NUP37: variants seen among roughly 807,000 people sequenced by gnomAD.
The protein encoded by NUP37 is nucleoporin Nup37.
In NUP37, 33 loss-of-function variants were observed where a neutral mutation model predicts 45.4. That is an observed-to-expected ratio of 0.73 (90% confidence interval 0.55 to 0.97). NUP37 has a LOEUF of 0.97. Ranked by LOEUF, NUP37 falls within the 50% of genes least tolerant of loss-of-function variation. NUP37 has a pLI of 0.00. For synonymous variants in NUP37, 127 were observed against 130.7 expected (o/e 0.97, Z 0.19); for missense variants, 365 against 389.7 (o/e 0.94, Z 0.53).
At chr12:102,088,714 T>C (rs1463534237) in intron 5 of NUP37, among the ~76,000 whole-genome samples, 1 of 150,944 alleles carries the variant, frequency 6.6e-6, no homozygotes, top group East Asian at 1.9e-4. Context: ...TTTTTTTTTT[T>C]TTTTTTTTTA....
chr12:102,101,968 G>A (rs1244244029), intron 3 of NUP37, among the ~76,000 whole-genome samples: 3 of 151,972 alleles, frequency 2.0e-5, no homozygotes, highest in Non-Finnish European at 2.9e-5. Context: ...CAGATGATCC[G>A]CCCATCTTGG....
intron 2 of NUP37, among the ~76,000 whole-genome samples, chr12:102,116,596 A>T (rs1880469612): frequency 6.6e-6 from 1 of 152,244 alleles, no homozygotes; most frequent in Non-Finnish European, 1.5e-5. Flanking sequence ...CAACAAACTG[A>T]AACTTTCAAT....
intron 2 of NUP37, among the ~76,000 whole-genome samples, chr12:102,114,049 A>G (rs1207844743): frequency 1.3e-5 from 2 of 152,260 alleles, no homozygotes; most frequent in African/African-American, 4.8e-5. Flanking sequence ...AAAGAAAAAC[A>G]CTGTCAAATT....
intron 4 of NUP37, among the ~76,000 whole-genome samples, chr12:102,099,689 T>C (rs1182102337): frequency 6.6e-6 from 1 of 152,196 alleles, no homozygotes; most frequent in Non-Finnish European, 1.5e-5. Flanking sequence ...ATGTGACTGC[T>C]AGCAGTGAAG....
At chr12:102,105,849 G>A (rs191834740) in intron 3 of NUP37, among the ~76,000 whole-genome samples, 42 of 139,386 alleles carry the variant, frequency 3.0e-4, no homozygotes, top group East Asian at 6.6e-4. Context: ...GTGACAGAGC[G>A]GGACTCCCTC....
intron 5 of NUP37, among the ~76,000 whole-genome samples, chr12:102,092,204 C>T (rs1565832006): frequency 6.6e-6 from 1 of 152,116 alleles, no homozygotes; most frequent in South Asian, 2.1e-4. Context: ...ATTTCTACTA[C>T]CAAATGTTTT....
At chr12:102,083,450 G>A (rs1200312755) in intron 6 of NUP37, among the ~76,000 whole-genome samples, 1 of 152,216 alleles carries the variant, frequency 6.6e-6, no homozygotes, top group Non-Finnish European at 1.5e-5. Context: ...AGGGTTCAGA[G>A]CACACACTTA....
At chr12:102,077,202 G>A in intron 7 of NUP37, 120 bp downstream of exon 7, 1 of 1,032,660 alleles carries the variant, frequency 9.7e-7, no homozygotes, top group Non-Finnish European at 1.5e-6. Flanking sequence ...CCTTCTATAG[G>A]AAAGACTTGC....
chr12:102,110,498 AC>A (rs1241924928), intron 3 of NUP37, among the ~76,000 whole-genome samples: 1 of 148,136 alleles, frequency 6.8e-6, no homozygotes, highest in Non-Finnish European at 1.5e-5. Context: ...ATAGAGTGAG[AC>A]CATGTACCAA....
chr12:102,100,371 C>G (rs912181289), intron 4 of NUP37, among the ~76,000 whole-genome samples: 17 of 152,092 alleles, frequency 1.1e-4, no homozygotes, highest in African/African-American at 4.1e-4. Flanking sequence ...TAAAAGAAAA[C>G]ATGATGCAAT....
intron 6 of NUP37, among the ~76,000 whole-genome samples, chr12:102,083,516 C>T (rs1879388232): frequency 6.6e-6 from 1 of 152,194 alleles, no homozygotes; most frequent in Non-Finnish European, 1.5e-5. Context: ...TTGGTTAATC[C>T]TTCTTTATGT....
chr12:102,076,619 C>A (rs1462251094), intron 8 of NUP37, among the ~76,000 whole-genome samples, 178 bp downstream of exon 8: 16 of 152,076 alleles, frequency 1.1e-4, no homozygotes, highest in Non-Finnish European at 2.4e-4. Context: ...CAAATCAACT[C>A]CTTGTCTAGA....
chr12:102,078,001 T>TA (rs1411948645), intron 6 of NUP37, among the ~76,000 whole-genome samples: 2 of 151,842 alleles, frequency 1.3e-5, no homozygotes, highest in Non-Finnish European at 2.9e-5. Context: ...CTAGAGAATA[T>TA]AAAAAACCTT....
chr12:102,112,043 C>A, intron 3 of NUP37, 65 bp downstream of exon 3: 1 of 1,458,196 alleles, frequency 6.9e-7, no homozygotes, highest in South Asian at 1.2e-5. Context: ...TATGATCAGA[C>A]TTCCAATCAT....
intron 8 of NUP37, among the ~76,000 whole-genome samples, chr12:102,075,730 T>C (rs1270631080): frequency 6.6e-6 from 1 of 152,132 alleles, no homozygotes; most frequent in Non-Finnish European, 1.5e-5. Context: ...GCATCAAATA[T>C]GACAGCCATT....
intron 1 of NUP37, chr12:102,119,202 A>G (rs567409686): frequency 1.3e-5 from 2 of 152,342 alleles, no homozygotes; most frequent in South Asian, 4.1e-4. Context: ...ATATAAACAG[A>G]TAGAAAATAC....
chr12:102,104,755 G>A, intron 3 of NUP37, among the ~76,000 whole-genome samples: 1 of 152,214 alleles, frequency 6.6e-6, no homozygotes, highest in South Asian at 2.1e-4. Context: ...TCATTTGATG[G>A]CTATGTGAAG....
At chr12:102,111,079 A>C (rs1402808630) in intron 3 of NUP37, among the ~76,000 whole-genome samples, 1 of 152,232 alleles carries the variant, frequency 6.6e-6, no homozygotes, top group Admixed American at 6.5e-5. Context: ...TTACAGAAGA[A>C]TGAATAAACA....
chr12:102,109,429 G>T (rs1483266890), intron 3 of NUP37, among the ~76,000 whole-genome samples: 1 of 152,004 alleles, frequency 6.6e-6, no homozygotes, highest in Admixed American at 6.6e-5. Flanking sequence ...AGTACAGAGA[G>T]TTACTATAGT....
Sources: allele counts gnomAD v4.1 joint callset (sites outside exome capture counted in the v4.1 genomes callset), GRCh38; gene constraint gnomAD v4.1.1; transcripts MANE v1.5; gene names NCBI Gene and HGNC (gene_info 2026-07-23, HGNC 2026-07-21).